Variants in BRMS1L observed in about 807,000 individuals in gnomAD.
BRMS1L encodes breast cancer metastasis-suppressor 1-like protein.
BRMS1L carries 23 observed loss-of-function variants against 50.3 expected under a neutral mutation model. That is an observed-to-expected ratio of 0.46 (90% confidence interval 0.33 to 0.65). BRMS1L has a LOEUF of 0.65. BRMS1L is among the 30% of genes least tolerant of loss of function. BRMS1L has a pLI of 0.02. For missense variants in BRMS1L, 286 were observed against 386.1 expected (o/e 0.74, Z 2.17); for synonymous variants, 114 against 126.9 (o/e 0.90, Z 0.69).
intron 2 of BRMS1L, 47 bp from the exon 3 acceptor site, chr14:35,832,931 C>A: frequency 1.3e-6 from 2 of 1,523,592 alleles, no homozygotes; most frequent in Non-Finnish European, 1.8e-6. Flanking sequence ...AATTGTTAGC[C>A]TTTGTTGAGA....
chr14:35,865,969 G>T (rs1004864564), intron 8 of BRMS1L: 18 of 521,318 alleles, frequency 3.5e-5, no homozygotes, highest in African/African-American at 3.4e-4. Flanking sequence ...TCAGTGTTCA[G>T]CTACATTCTT....
At chr14:35,854,337 G>A (rs116185985) in intron 4 of BRMS1L, among the ~76,000 whole-genome samples, 33 of 152,278 alleles carry the variant, frequency 2.2e-4, no homozygotes, top group African/African-American at 7.9e-4. Flanking sequence ...ATTCTAGGAT[G>A]ACAGTTATTT....
intron 4 of BRMS1L, among the ~76,000 whole-genome samples, chr14:35,860,144 T>C (rs1333402945): frequency 2.6e-5 from 4 of 152,188 alleles, no homozygotes; most frequent in Non-Finnish European, 4.4e-5. Context: ...TTTTCTTTTT[T>C]TTTGAGACAG....
intron 4 of BRMS1L, among the ~76,000 whole-genome samples, chr14:35,851,489 A>G (rs1009410333): frequency 5.9e-5 from 9 of 152,226 alleles, no homozygotes; most frequent in African/African-American, 1.7e-4. Context: ...AAAGAAGTAC[A>G]AAAAGCTAGT....
chr14:35,831,349 G>T, intron 1 of BRMS1L, 61 bp from the exon 2 acceptor site: 1 of 1,150,876 alleles, frequency 8.7e-7, no homozygotes, highest in South Asian at 1.3e-5. Context: ...AGATATATTT[G>T]AGATGTTCAG....
At chr14:35,839,871 T>A (rs2078040357) in intron 4 of BRMS1L, among the ~76,000 whole-genome samples, 1 of 152,222 alleles carries the variant, frequency 6.6e-6, no homozygotes, top group Non-Finnish European at 1.5e-5. Context: ...TTCTTTCTCT[T>A]GCCGGATTGC....
At position 35,870,529 on chromosome 14, in the gene BRMS1L, G is replaced by C; in HGVS notation, c.*52G>C. On this transcript the variant is annotated 3_prime_UTR_variant, in exon 10 of 10. Transcript: ENST00000216807. Reference sequence around the variant, plus strand: ...ACCTTATTAGTGTTACCAAATGTAAGTGCCATGAGAGTAAAAAAATGTATT... The same window carrying C: ...ACCTTATTAGTGTTACCAAATGTAACTGCCATGAGAGTAAAAAAATGTATT... 1 of 1,117,042 alleles carries C rather than the reference G, an allele frequency of 9.0e-7. No homozygotes were observed. The highest frequency in any genetic ancestry group is 1.3e-6 in the Non-Finnish European group (1 of 756,082). 69.2% of individuals were successfully genotyped at this position (1,117,042 alleles called of 1,614,324 possible).
chr14:35,857,043 C>T (rs1176079427), intron 4 of BRMS1L, among the ~76,000 whole-genome samples: 1 of 151,826 alleles, frequency 6.6e-6, no homozygotes, highest in Non-Finnish European at 1.5e-5. Flanking sequence ...GAGTTTGTGA[C>T]CAGCCTGGCC....
intron 4 of BRMS1L, among the ~76,000 whole-genome samples, chr14:35,852,809 T>C (rs1413595505): frequency 6.6e-6 from 1 of 152,014 alleles, no homozygotes; most frequent in Non-Finnish European, 1.5e-5. Context: ...CGGGCACCTG[T>C]AATCCCAGCT....
At position 35,832,544 on chromosome 14, in the gene BRMS1L, A is replaced by G. The variant is rs577000641; in HGVS notation, c.234-434A>G. On this transcript the variant is annotated intron_variant, in intron 2 of 9. Coordinates refer to ENST00000216807, the MANE Select transcript of BRMS1L (RefSeq NM_032352.4). ...AATTAAGTAGGCTGAATACAGTAAT[A>G]CTGACTCCTTTTCAGGAACGGTAGA... is the stretch of plus-strand genomic sequence containing the variant. 4.6e-5 allele frequency among the ~76,000 whole-genome samples: 7 copies of G among 152,022 alleles called. No individual in the cohort carries two copies. In the East Asian group the frequency reaches 1.4e-3, roughly 29 times the overall value.
chr14:35,836,074 T>A (rs531449243), intron 4 of BRMS1L, among the ~76,000 whole-genome samples: 5 of 152,310 alleles, frequency 3.3e-5, no homozygotes, highest in African/African-American at 9.6e-5. Context: ...ATTGATTATC[T>A]TTTTGGCGTT....
At chr14:35,844,941 C>T (rs1041909541) in intron 4 of BRMS1L, among the ~76,000 whole-genome samples, 7 of 151,924 alleles carry the variant, frequency 4.6e-5, no homozygotes, top group African/African-American at 1.7e-4. Flanking sequence ...AGTGCAGTGG[C>T]CTGATTATAG....
In BRMS1L at chr14:35,865,070, G is replaced by GT. The variant is rs2078404063; in HGVS notation, c.687+73dup. The GT allele has an allele frequency of 3.6e-6, 4 of 1,119,828 alleles. No homozygotes were observed. In the Admixed American group the frequency reaches 8.0e-5, roughly 23 times the overall value. The allele number at this position is 1,119,828 out of a possible 1,614,324, so 69.4% of individuals were successfully genotyped here. On this transcript the variant is annotated intron_variant, in intron 7 of 9. Transcript: ENST00000216807. ...CTTTTTAAGATTCTATGTTTTTTTT[G>GT]TTAGTACATCAAAATATTATTGTAA...
intron 4 of BRMS1L, among the ~76,000 whole-genome samples, chr14:35,844,095 C>G (rs2078100522): frequency 6.6e-6 from 1 of 152,208 alleles, no homozygotes; most frequent in African/African-American, 2.4e-5. Flanking sequence ...GTGAGAATTT[C>G]AAGCCATTGG....
chr14:35,829,144 G>T (rs375883397), intron 1 of BRMS1L, among the ~76,000 whole-genome samples: 1 of 152,020 alleles, frequency 6.6e-6, no homozygotes, highest in Non-Finnish European at 1.5e-5. Context: ...GTTTTGCCAC[G>T]TTGGCCAGGC....
intron 8 of BRMS1L, 167 bp from the exon 9 acceptor site, chr14:35,867,737 AAG>A (rs1264966840): frequency 2.0e-6 from 1 of 489,032 alleles, no homozygotes; most frequent in Non-Finnish European, 3.2e-6. Flanking sequence ...GATTATGTAA[AAG>A]AATGTAAGGA....
At chr14:35,826,772 G>A in intron 1 of BRMS1L, 114 bp downstream of exon 1, 1 of 1,451,224 alleles carries the variant, frequency 6.9e-7, no homozygotes, top group Non-Finnish European at 9.2e-7. Context: ...ACAGAGGGAA[G>A]GGGCGGAGAC....
At chr14:35,857,894 G>C (rs1187822177) in intron 4 of BRMS1L, among the ~76,000 whole-genome samples, 1 of 149,324 alleles carries the variant, frequency 6.7e-6, no homozygotes, top group Non-Finnish European at 1.5e-5. Context: ...ATCTATGAGG[G>C]CCTCCTAATG....
Position 35,844,231 on chromosome 14 carries a change from G to A in BRMS1L, c.441+9308G>A, listed in dbSNP as rs909131694. ...CGCTGGTGTTCCAGGTACCACTGGG[G>A]TATGAAAAAAAGCTCCTACAGCTAG... On this transcript the variant is annotated intron_variant, in intron 4 of 9. Transcript: ENST00000216807. Among the ~76,000 whole-genome samples, 6 of 152,270 alleles carry A rather than the reference G, an allele frequency of 3.9e-5. No individual in the cohort carries two copies. In the East Asian group the frequency reaches 7.7e-4, roughly 20 times the overall value.
Sources: allele counts gnomAD v4.1 joint callset (sites outside exome capture counted in the v4.1 genomes callset), GRCh38; gene constraint gnomAD v4.1.1; transcripts MANE v1.5; gene names NCBI Gene and HGNC (gene_info 2026-07-23, HGNC 2026-07-21).